The following NTAQ1 variants were observed in gnomAD, a reference collection of about 807,000 sequenced individuals.
NTAQ1 encodes protein N-terminal glutamine amidohydrolase.
Under a neutral mutation model 28.2 loss-of-function variants are expected in NTAQ1, and 21 were observed. The observed-to-expected ratio is 0.74, with a 90% CI of 0.53 to 1.07. The LOEUF is 1.07. Ranked by LOEUF, NTAQ1 falls within the 50% of genes least tolerant of loss-of-function variation. The pLI is 0.00. For missense variants in NTAQ1, 264 were observed against 256.6 expected (o/e 1.03, Z -0.20); for synonymous variants, 105 against 90.0 (o/e 1.17, Z -0.94).
rs201553518 is a variant in NTAQ1 at position 123,419,542 on chromosome 8, G to A, written c.83+2610G>A. Among the ~76,000 whole-genome samples, 8 of 152,260 alleles carry A rather than the reference G, an allele frequency of 5.3e-5. No individual in the cohort carries two copies. In the East Asian group the frequency reaches 5.8e-4, roughly 11 times the overall value. On this transcript the variant is annotated intron_variant, in intron 1 of 5. Transcript: ENST00000287387. ...GCCAGTATTTGTTTGGGACTGTGTC[G>A]TCAGCAGAGCATTTCTGATTCTGAC...
intron 1 of NTAQ1, among the ~76,000 whole-genome samples, chr8:123,424,067 T>C (rs1474131178): frequency 1.6e-5 from 2 of 123,602 alleles, no homozygotes; most frequent in Non-Finnish European, 3.2e-5. Flanking sequence ...TTTTTATTTT[T>C]ATGCGTTTTT....
intron 3 of NTAQ1, chr8:123,435,364 T>TA: frequency 1.5e-6 from 1 of 660,582 alleles, no homozygotes; most frequent in Non-Finnish European, 1.9e-6. Flanking sequence ...CTTCTTTTTT[T>TA]AAAAAATAGT....
chr8:123,436,380 A>C (rs1458041546), intron 3 of NTAQ1, 73 bp from the exon 4 acceptor site: 2 of 1,456,728 alleles, frequency 1.4e-6, no homozygotes, highest in African/African-American at 1.4e-5. Flanking sequence ...TTTAGTGATA[A>C]GGTATGTGTC....
chr8:123,451,732 T>C (rs1815500067), downstream of NTAQ1, among the ~76,000 whole-genome samples: 1 of 152,216 alleles, frequency 6.6e-6, no homozygotes, highest in Admixed American at 6.5e-5. Context: ...TGATACCTTA[T>C]AGTAAGCACT....
rs561978741 is a variant in NTAQ1, at chr8:123,438,842, A to C, written c.508+1508A>C. Among the ~76,000 whole-genome samples the C allele has an allele frequency of 2.0e-5, 3 of 152,332 alleles. No homozygotes were observed. The East Asian group carries it at 5.8e-4, about 29-fold the overall frequency. On this transcript the variant is annotated intron_variant, in intron 5 of 5. Transcript: ENST00000287387. ...AATTATATTGGAATTGCTTATCAGT[A>C]CACAGAGCTGCTTCCTGGCCTCAGT...
chr8:123,471,507 G>GT (rs1430575062), downstream of NTAQ1, among the ~76,000 whole-genome samples: 3 of 152,210 alleles, frequency 2.0e-5, no homozygotes, highest in Non-Finnish European at 2.9e-5. Flanking sequence ...GATCTGCATA[G>GT]TGAATCAACA....
intron 6 of NTAQ1, among the ~76,000 whole-genome samples, chr8:123,465,829 C>T (rs1815948766): frequency 6.6e-6 from 1 of 152,020 alleles, no homozygotes; most frequent in Admixed American, 6.6e-5. Context: ...GCGATCCACC[C>T]ACCTCGGCCT....
chr8:123,459,347 C>T (rs1407386302), intron 6 of NTAQ1, among the ~76,000 whole-genome samples: 1 of 152,112 alleles, frequency 6.6e-6, no homozygotes, highest in Non-Finnish European at 1.5e-5. Context: ...GGGTGCACCA[C>T]CCTCCCAGCA....
chr8:123,437,781 G>A (rs1044313379), intron 5 of NTAQ1, among the ~76,000 whole-genome samples: 2 of 152,128 alleles, frequency 1.3e-5, no homozygotes, highest in African/African-American at 2.4e-5. Flanking sequence ...CTACTTCTGT[G>A]TGTGTATTAG....
intron 3 of NTAQ1, 141 bp downstream of exon 3, chr8:123,430,174 G>C: frequency 2.0e-6 from 1 of 506,194 alleles, no homozygotes; most frequent in Non-Finnish European, 3.5e-6. Context: ...TTTGAGAATA[G>C]ATGTTATTTG....
At chr8:123,421,320 T>C (rs755771714) in intron 1 of NTAQ1, among the ~76,000 whole-genome samples, 2 of 152,000 alleles carry the variant, frequency 1.3e-5, no homozygotes, top group Non-Finnish European at 2.9e-5. Flanking sequence ...GCTCAAGCAG[T>C]CTTCCTGCCT....
In NTAQ1 at chr8:123,422,633, A is replaced by C. The variant is rs767205215; in HGVS notation, c.84-5291A>C. ...TTTTTTTTTTTTTTTTGCTGTGCAG[A>C]GCTCTTTAGTTTAATTAGGTCTCAC... On this transcript the variant is annotated intron_variant, in intron 1 of 5. Transcript: ENST00000287387. Among the ~76,000 whole-genome samples, 126 of 142,458 alleles carry C rather than the reference A, an allele frequency of 8.8e-4. 5 individuals carry two copies. Among genetic ancestry groups the C allele is most frequent in the Non-Finnish European group, 7.2e-4 (48 of 66,652 alleles). The allele number at this position is 142,458 out of a possible 152,430, so 93.5% of individuals were successfully genotyped here. A position where few individuals can be genotyped will look rare whatever the true frequency, so the allele number is the denominator to read the frequency against.
intron 6 of NTAQ1, among the ~76,000 whole-genome samples, chr8:123,460,849 A>G (rs1177308169): frequency 1.3e-5 from 2 of 152,192 alleles, no homozygotes; most frequent in African/African-American, 4.8e-5. Context: ...AACGTTGCAA[A>G]GGAAGCAAGG....
chr8:123,456,360 G>A (rs1815650976), intron 6 of NTAQ1, among the ~76,000 whole-genome samples: 3 of 152,142 alleles, frequency 2.0e-5, no homozygotes, highest in African/African-American at 7.2e-5. Context: ...GCTCACTGCA[G>A]CCTCCGCCTC....
chr8:123,417,081 T>C, intron 1 of NTAQ1, 149 bp downstream of exon 1: 3 of 755,858 alleles, frequency 4.0e-6, no homozygotes, highest in Non-Finnish European at 5.9e-6. Flanking sequence ...GGAGCGGGAA[T>C]GGCAGCTCTC....
intron 3 of NTAQ1, among the ~76,000 whole-genome samples, chr8:123,433,808 G>T (rs961183576): frequency 8.5e-5 from 13 of 152,144 alleles, no homozygotes; most frequent in Non-Finnish European, 1.8e-4. Context: ...AGCACTATGA[G>T]GTAGACCAAG....
chr8:123,467,993 C>A (rs1815999007), exon 7 of NTAQ1, among the ~76,000 whole-genome samples: 2 of 152,128 alleles, frequency 1.3e-5, no homozygotes. Context: ...AGTGATCCAC[C>A]CGCCTTCACC....
At chr8:123,447,506 G>T (rs1485801826) in intron 6 of NTAQ1, among the ~76,000 whole-genome samples, 2 of 152,026 alleles carry the variant, frequency 1.3e-5, no homozygotes, top group Admixed American at 1.3e-4. Context: ...AATCTGATGG[G>T]GTTGGCACTA....
At chr8:123,455,944 A>G (rs1354671642) in intron 6 of NTAQ1, among the ~76,000 whole-genome samples, 17 of 152,210 alleles carry the variant, frequency 1.1e-4, no homozygotes, top group Admixed American at 1.1e-3. Flanking sequence ...CAGGAACTGT[A>G]TCTCAGCCCA....
Sources: gnomAD v4.1 joint callset for allele counts (sites outside exome capture counted in the v4.1 genomes callset) on GRCh38, gnomAD v4.1.1 for gene constraint, MANE v1.5 for transcripts, NCBI Gene and HGNC (gene_info 2026-07-23, HGNC 2026-07-21) for gene names.